The following SGMS1 variants were observed in gnomAD, a reference collection of about 807,000 sequenced individuals.
The protein encoded by SGMS1 is sphingomyelin synthase 1, also known as phosphatidylcholine:ceramide cholinephosphotransferase 1.
Under a neutral mutation model 46.2 loss-of-function variants are expected in SGMS1, and 13 were observed. That is an observed-to-expected ratio of 0.28 (90% CI 0.18 to 0.45). The LOEUF (loss-of-function observed/expected upper bound fraction) is 0.45, where lower values mean the gene tolerates loss of function less well. SGMS1 is among the 20% of genes least tolerant of loss of function. The pLI, the probability that SGMS1 is intolerant of heterozygous loss-of-function variation, is 1.00. For missense variants in SGMS1, 324 were observed against 519.9 expected (o/e 0.62, Z 3.66); for synonymous variants, 203 against 187.8 (o/e 1.08, Z -0.66).
intron 1 of SGMS1, among the ~76,000 whole-genome samples, chr10:50,614,130 T>C (rs1838775498): frequency 6.6e-6 from 1 of 150,600 alleles, no homozygotes; most frequent in African/African-American, 2.4e-5. Context: ...TTTTTGCCAA[T>C]GGAAGGGGGA....
intron 4 of SGMS1, among the ~76,000 whole-genome samples, chr10:50,466,526 T>A (rs1184666623): frequency 6.6e-6 from 1 of 152,150 alleles, no homozygotes; most frequent in Non-Finnish European, 1.5e-5. Context: ...AGTGCTGTAC[T>A]GCAAACACCT....
At chr10:50,503,596 C>T (rs556189971) in intron 3 of SGMS1, among the ~76,000 whole-genome samples, 22 of 152,320 alleles carry the variant, frequency 1.4e-4, no homozygotes, top group Admixed American at 2.6e-4. Context: ...TATCTCCCTT[C>T]GCTGACTCTC....
chr10:50,563,159 A>C (rs1036689917), intron 2 of SGMS1, among the ~76,000 whole-genome samples: 1 of 152,194 alleles, frequency 6.6e-6, no homozygotes, highest in African/African-American at 2.4e-5. Context: ...TGCAGCATCT[A>C]GTGCCTGTGG....
intron 6 of SGMS1, among the ~76,000 whole-genome samples, chr10:50,432,215 C>G (rs1280088442): frequency 2.0e-5 from 3 of 152,172 alleles, no homozygotes; most frequent in Non-Finnish European, 2.9e-5. Context: ...AAATTTTTAG[C>G]AAGCTGGTTG....
chr10:50,531,159 C>T (rs1471691522), intron 2 of SGMS1, among the ~76,000 whole-genome samples: 1 of 152,182 alleles, frequency 6.6e-6, no homozygotes, highest in Non-Finnish European at 1.5e-5. Context: ...CTAGGGCAGG[C>T]ACCATTTATA....
At chr10:50,438,907 G>A (rs1428107592) in intron 5 of SGMS1, among the ~76,000 whole-genome samples, 5 of 152,162 alleles carry the variant, frequency 3.3e-5, no homozygotes, top group Non-Finnish European at 5.9e-5. Context: ...TATAAATGGC[G>A]ATCAGGTTCC....
chr10:50,499,955 TC>T (rs1837647708), intron 3 of SGMS1, among the ~76,000 whole-genome samples: 1 of 152,144 alleles, frequency 6.6e-6, no homozygotes, highest in Non-Finnish European at 1.5e-5. Flanking sequence ...GATCATGAGG[TC>T]TGGAGTTCGA....
In SGMS1 at chr10:50,343,546, T is replaced by G; in HGVS notation, c.569A>C (p.Asn190Thr). The change falls in exon 7 of 11, where the codon AAT becomes ACT. Residue 190 changes from asparagine (N) to threonine (T), a missense_variant. Coordinates refer to ENST00000361781, the MANE Select transcript of SGMS1 (RefSeq NM_147156.4). ...CCAGAGTCCTACAAGGATCATGCCA[T>G]TAATTTCACAAATAGAAAAGGCCCA... Reference protein sequence around the residue: ...VQWAFSICEINGMILVGLWLI... With the variant: ...VQWAFSICEITGMILVGLWLI... 6.8e-6 allele frequency: 11 copies of G among 1,614,052 alleles called. No homozygotes were observed. Among genetic ancestry groups the G allele is most frequent in the Non-Finnish European group, 8.5e-6 (10 of 1,180,020 alleles).
chr10:50,528,243 A>G (rs1342916552), intron 2 of SGMS1, among the ~76,000 whole-genome samples: 12 of 152,246 alleles, frequency 7.9e-5, no homozygotes, highest in Non-Finnish European at 1.5e-4. Context: ...TCAAAATGCT[A>G]GAGAATAAAA....
intron 6 of SGMS1, among the ~76,000 whole-genome samples, chr10:50,382,157 G>A (rs1304792194): frequency 6.6e-6 from 1 of 152,082 alleles, no homozygotes; most frequent in Non-Finnish European, 1.5e-5. Context: ...ATTAAGAATT[G>A]GGATTACATT....
chr10:50,453,753 AGAAGGAAGGAAGGAAG>A (rs1208688841), intron 5 of SGMS1, among the ~76,000 whole-genome samples: 1 of 128,546 alleles, frequency 7.8e-6, no homozygotes, highest in Non-Finnish European at 1.6e-5. Context: ...AGACAGAGGG[AGAAGGAAGGAAGGAAG>A]GAAGGGAGGA....
upstream of SGMS1, chr10:50,624,018 C>T (rs1042200003): frequency 2.0e-5 from 20 of 985,546 alleles, no homozygotes; most frequent in Middle Eastern, 5.2e-4. Context: ...CGACTCCGCT[C>T]CTCCGGGTGT....
At chr10:50,380,396 T>A (rs1301811355) in intron 6 of SGMS1, among the ~76,000 whole-genome samples, 6 of 127,828 alleles carry the variant, frequency 4.7e-5, no homozygotes, top group Non-Finnish European at 8.7e-5. Flanking sequence ...AAAAAAAAAA[T>A]TCCTCTCTCC....
At chr10:50,359,040 G>A (rs1848203813) in intron 6 of SGMS1, among the ~76,000 whole-genome samples, 1 of 152,158 alleles carries the variant, frequency 6.6e-6, no homozygotes, top group African/African-American at 2.4e-5. Flanking sequence ...TACATGCTGT[G>A]CTCAGAATTC....
At chr10:50,579,182 A>G (rs943462265) in intron 2 of SGMS1, among the ~76,000 whole-genome samples, 1 of 152,200 alleles carries the variant, frequency 6.6e-6, no homozygotes, top group African/African-American at 2.4e-5. Context: ...ACATTATAAC[A>G]AACATGAAAA....
intron 7 of SGMS1, among the ~76,000 whole-genome samples, chr10:50,333,620 A>T (rs2133331858): frequency 6.6e-6 from 1 of 152,318 alleles, no homozygotes. Flanking sequence ...CCATTTAGGA[A>T]AATCCAGGGC....
chr10:50,375,328 C>T (rs189949114), intron 6 of SGMS1, among the ~76,000 whole-genome samples: 309 of 152,236 alleles, frequency 2.0e-3, no homozygotes, highest in African/African-American at 7.0e-3. Context: ...ACATTGAGCA[C>T]ATGGATTTGT....
intron 2 of SGMS1, among the ~76,000 whole-genome samples, chr10:50,526,300 C>T (rs1837901057): frequency 6.6e-6 from 1 of 152,092 alleles, no homozygotes; most frequent in African/African-American, 2.4e-5. Context: ...GGGGAAGTGC[C>T]ACACTTTTCA....
chr10:50,524,620 T>A (rs1048663298), intron 2 of SGMS1, among the ~76,000 whole-genome samples: 1 of 152,200 alleles, frequency 6.6e-6, no homozygotes, highest in Non-Finnish European at 1.5e-5. Context: ...TTAGTGCTAC[T>A]ACTAAGTCTG....
Sources: gnomAD v4.1 joint callset for allele counts (sites outside exome capture counted in the v4.1 genomes callset) on GRCh38, gnomAD v4.1.1 for gene constraint, MANE v1.5 for transcripts, NCBI Gene and HGNC (gene_info 2026-07-23, HGNC 2026-07-21) for gene names.